VGLL3: variants seen among roughly 807,000 people sequenced by gnomAD.
VGLL3 encodes transcription cofactor vestigial-like protein 3.
Under a neutral mutation model 29.2 loss-of-function variants are expected in VGLL3, and 18 were observed. The observed-to-expected ratio is 0.62, with a 90% CI of 0.43 to 0.91. VGLL3 has a LOEUF of 0.91. VGLL3 is among the 40% of genes least tolerant of loss of function. The pLI, the probability that VGLL3 is intolerant of heterozygous loss-of-function variation, is 0.00. For missense variants in VGLL3, 440 were observed against 413.2 expected, an observed-to-expected ratio of 1.06 and a Z score of -0.56; for synonymous variants, 180 against 151.8, an observed-to-expected ratio of 1.19 and a Z score of -1.36.
rs565448530 is a variant in VGLL3 at position 86,990,491 on chromosome 3, G to C, written c.126+127C>G. 3 of 1,266,880 alleles carry C rather than the reference G, an allele frequency of 2.4e-6. No individual in the cohort carries two copies. In the South Asian group the frequency reaches 1.1e-4, roughly 47 times the overall value. 78.5% of individuals were successfully genotyped at this position (1,266,880 alleles called of 1,614,324 possible). On this transcript the variant is annotated intron_variant, in intron 1 of 3. Coordinates refer to ENST00000398399, the MANE Select transcript of VGLL3 (RefSeq NM_016206.4). ...CTCTCGGGATGGCTTTCTGCTCAAG[G>C]ACGCTCCCGCAGATCCCAGAGCATC...
intron 3 of VGLL3, among the ~76,000 whole-genome samples, chr3:86,957,442 A>G (rs978532765): frequency 6.6e-6 from 1 of 152,198 alleles, no homozygotes; most frequent in Non-Finnish European, 1.5e-5. Flanking sequence ...AATGAACCAT[A>G]TCTCAGATTC....
chr3:86,965,044 C>T (rs942498413), intron 3 of VGLL3, among the ~76,000 whole-genome samples: 7 of 151,814 alleles, frequency 4.6e-5, no homozygotes, highest in Admixed American at 4.6e-4. Context: ...GTAGTCCCAG[C>T]TACTCGGGAG....
chr3:86,944,436 A>G lies in VGLL3; in HGVS notation c.*2588T>C, dbSNP rs1360095109. 6.6e-6 allele frequency: 1 copy of G among 152,368 alleles called. No individual in the cohort carries two copies. Among genetic ancestry groups the G allele is most frequent in the Admixed American group, 6.5e-5 (1 of 15,270 alleles). 9.4% of individuals were successfully genotyped at this position (152,368 alleles called of 1,614,324 possible). ...AATTTTTCAGAAATTTTTTGTAGGG[A>G]TAGGGTCTCCCTATGTTGCCTAGGC... On this transcript the variant is annotated 3_prime_UTR_variant, in exon 4 of 4. Coordinates refer to ENST00000398399, the MANE Select transcript of VGLL3 (RefSeq NM_016206.4).
At chr3:86,984,329 G>A (rs956673176) in intron 1 of VGLL3, among the ~76,000 whole-genome samples, 5 of 152,130 alleles carry the variant, frequency 3.3e-5, no homozygotes, top group Non-Finnish European at 7.4e-5. Flanking sequence ...ACAGTAGGGA[G>A]GAGCCAACCG....
At chr3:86,958,635 C>T (rs1704775672) in intron 3 of VGLL3, among the ~76,000 whole-genome samples, 1 of 152,170 alleles carries the variant, frequency 6.6e-6, no homozygotes. Flanking sequence ...TCATTAAGGT[C>T]CTGCAGCATC....
In VGLL3 at chr3:86,978,742, G is replaced by C; in HGVS notation, c.187C>G (p.Gln63Glu). The change falls in exon 2 of 4, where the codon CAA (glutamine) becomes GAA (glutamate). Residue 63 changes from glutamine (Q) to glutamate (E), a missense_variant. Coordinates refer to ENST00000398399, the MANE Select transcript of VGLL3 (RefSeq NM_016206.4). ...TCCTCCTCCTCATCCTCCTCCTCTTGTTTGCTGGGAAGGGTGACTTCCAGA... is the reference window on the plus strand; with the variant it reads ...TCCTCCTCCTCATCCTCCTCCTCTTCTTTGCTGGGAAGGGTGACTTCCAGA... ...DSLEVTLPSK[Q>E]EEEDEEEEEE... 1 of 1,613,796 alleles carries C rather than the reference G, an allele frequency of 6.2e-7. No individual in the cohort carries two copies. The highest frequency in any genetic ancestry group is 2.2e-5 in the East Asian group (1 of 44,858).
intron 3 of VGLL3, among the ~76,000 whole-genome samples, chr3:86,952,515 AAG>A (rs1704636832): frequency 6.6e-6 from 1 of 152,208 alleles, no homozygotes; most frequent in Admixed American, 6.5e-5. Context: ...TGATTAAAAA[AAG>A]AGAACATAAA....
Position 86,990,920 on chromosome 3 carries a change from A to C in VGLL3, c.-177T>G. ...CGCGCGGGGCGCGGGGTCGGGAGGG[A>C]CTGGCAATCAGCGGGGGCCCATGCG... On this transcript the variant is annotated 5_prime_UTR_variant, in exon 1 of 4. Transcript: ENST00000398399. 1.8e-6 allele frequency: 2 copies of C among 1,103,532 alleles called. No individual in the cohort carries two copies. The highest frequency in any genetic ancestry group is 3.3e-5 in the African/African-American group (2 of 60,082). 68.4% of individuals were successfully genotyped at this position (1,103,532 alleles called of 1,614,324 possible).
chr3:86,957,085 G>A (rs750678970), intron 3 of VGLL3, among the ~76,000 whole-genome samples: 11 of 152,138 alleles, frequency 7.2e-5, no homozygotes, highest in South Asian at 2.1e-4. Context: ...TAATGGGATA[G>A]GTTTTTATTT....
intron 3 of VGLL3, among the ~76,000 whole-genome samples, chr3:86,966,461 C>A (rs1017618076): frequency 6.6e-6 from 1 of 151,956 alleles, no homozygotes; most frequent in Non-Finnish European, 1.5e-5. Flanking sequence ...TGAAACGAAT[C>A]TTGATTACTG....
At chr3:86,956,361 A>T (rs1002493146) in intron 3 of VGLL3, among the ~76,000 whole-genome samples, 5 of 152,222 alleles carry the variant, frequency 3.3e-5, no homozygotes, top group African/African-American at 4.8e-5. Flanking sequence ...GAGTGAGCAC[A>T]TCAGTTTCTT....
intron 3 of VGLL3, among the ~76,000 whole-genome samples, chr3:86,952,370 A>G (rs1704634875): frequency 6.6e-6 from 1 of 152,218 alleles, no homozygotes; most frequent in East Asian, 1.9e-4. Flanking sequence ...CTAAATAAAC[A>G]TGCTCTACTT....
In VGLL3 at chr3:86,959,599, G is replaced by A. The variant is rs535022903; in HGVS notation, c.937+8991C>T. ...GCTAATGATTCATCTCCATTTCATTGTAAAGCCTGGAATTGGAGCATTATT... is the reference window on the plus strand; with the variant it reads ...GCTAATGATTCATCTCCATTTCATTATAAAGCCTGGAATTGGAGCATTATT... On this transcript the variant is annotated intron_variant, in intron 3 of 3. Transcript: ENST00000398399. Among the ~76,000 whole-genome samples, 9 of 152,156 alleles carry A rather than the reference G, an allele frequency of 5.9e-5. No homozygotes were observed. In the South Asian group the frequency reaches 1.7e-3, roughly 28 times the overall value.
At chr3:86,987,401 G>C (rs1331560622) in intron 1 of VGLL3, among the ~76,000 whole-genome samples, 2 of 152,134 alleles carry the variant, frequency 1.3e-5, no homozygotes, top group East Asian at 3.8e-4. Context: ...CCCTGGAAGA[G>C]GACAGAGTAA....
In VGLL3 at chr3:86,969,034, C is replaced by T. The variant is rs548794320; in HGVS notation, c.493G>A (p.Gly165Arg). The T allele has an allele frequency of 1.9e-6, 3 of 1,613,950 alleles. No individual in the cohort carries two copies. In the Admixed American group the frequency reaches 5.0e-5, roughly 27 times the overall value. ...YQPPPAPCLG[G>R]VHPDFQVTGP... is the part of the protein sequence containing the mutation. ...GTGACCTGGAAGTCAGGATGAACTC[C>T]CCCCAAACAAGGTGCAGGTGGGGGC... Residue 165 changes from glycine to arginine, a missense_variant, in exon 3 of 4, where the codon GGA becomes AGA. Physicochemically the swap from Gly to Arg is moderately radical, Grantham distance 125. Coordinates refer to ENST00000398399, the MANE Select transcript of VGLL3 (RefSeq NM_016206.4).
chr3:86,982,421 C>T (rs1246155385), intron 1 of VGLL3, among the ~76,000 whole-genome samples: 1 of 151,568 alleles, frequency 6.6e-6, no homozygotes, highest in Non-Finnish European at 1.5e-5. Context: ...GCTGGGATTA[C>T]AGGCATGAGC....
rs113802521 is a variant in VGLL3, at chr3:86,956,810, A to G, written c.938-9743T>C. Among the ~76,000 whole-genome samples the G allele has an allele frequency of 4.6e-3, 690 of 151,448 alleles. 3 individuals are homozygous for G. Among genetic ancestry groups the G allele is most frequent in the Non-Finnish European group, 6.2e-3 (423 of 67,778 alleles). ...ACCGTCCCAAAAAAAAAAAAAAAAAAAAAGAAAGAAAATACTTAAGATAAC... is the reference window on the plus strand; with the variant it reads ...ACCGTCCCAAAAAAAAAAAAAAAAAGAAAGAAAGAAAATACTTAAGATAAC... On this transcript the variant is annotated intron_variant, in intron 3 of 3. Transcript: ENST00000398399.
intron 1 of VGLL3, among the ~76,000 whole-genome samples, chr3:86,988,204 G>A (rs1705492110): frequency 6.6e-6 from 1 of 152,014 alleles, no homozygotes; most frequent in African/African-American, 2.4e-5. Context: ...AAAATTTCTT[G>A]ATTGCTGTTA....
In VGLL3 at chr3:86,938,613, A is replaced by G. The variant is rs1205289077; in HGVS notation, c.*8411T>C. 1 of 152,680 alleles carries G rather than the reference A, an allele frequency of 6.5e-6. No individual in the cohort carries two copies. The highest frequency in any genetic ancestry group is 2.4e-5 in the African/African-American group (1 of 41,474). The allele number at this position is 152,680 out of a possible 1,614,324, so 9.5% of individuals were successfully genotyped here. A position where few individuals can be genotyped will look rare whatever the true frequency, so the allele number is the denominator to read the frequency against. ...CACAGCCAAACTTGGTATGGAAAGT[A>G]AAACAGTTGTGCTTGAGTGTTGTTT... On this transcript the variant is annotated 3_prime_UTR_variant, in exon 4 of 4. Transcript: ENST00000398399.
Sources: gnomAD v4.1 joint callset for allele counts (sites outside exome capture counted in the v4.1 genomes callset) on GRCh38, gnomAD v4.1.1 for gene constraint, MANE v1.5 for transcripts, NCBI Gene and HGNC (gene_info 2026-07-23, HGNC 2026-07-21) for gene names.